Variants in RPRD1A observed in about 807,000 individuals in gnomAD.
The protein encoded by RPRD1A is regulation of nuclear pre-mRNA domain-containing protein 1A.
A neutral mutation model predicts 37.8 loss-of-function variants in RPRD1A; 9 were observed. That is an observed-to-expected ratio of 0.24 (90% CI 0.14 to 0.42). The LOEUF is 0.42. Among genes scored for constraint, RPRD1A ranks in the 10% least tolerant of loss-of-function variants. The pLI is 1.00. For missense variants in RPRD1A, 255 were observed against 371.0 expected (o/e 0.69, Z 2.57); for synonymous variants, 138 against 139.7 (o/e 0.99, Z 0.08).
chr18:36,025,832 G>C (rs1039603927), intron 6 of RPRD1A: 4 of 281,134 alleles, frequency 1.4e-5, no homozygotes, highest in Admixed American at 5.1e-5. Context: ...ATAGTGGCAA[G>C]TTAATTATCA....
chr18:36,013,709 T>TAA (rs1247485656), intron 6 of RPRD1A, among the ~76,000 whole-genome samples: 1 of 152,178 alleles, frequency 6.6e-6, no homozygotes, highest in Non-Finnish European at 1.5e-5. Context: ...TTTAAAATAT[T>TAA]AAAATGTAAT....
Position 36,031,074 on chromosome 18 carries a change from T to G in RPRD1A, c.305A>C (p.Lys102Thr). The G allele has an allele frequency of 6.4e-7, 1 of 1,567,010 alleles. No homozygotes were observed. Among genetic ancestry groups the G allele is most frequent in the Non-Finnish European group, 8.6e-7 (1 of 1,167,166 alleles). ...AATAGATAACACTCTTCCAAGGTGC[T>G]TCTTACAACTTTCATCAGTTTCACT... ...VSSETDESCK[K>T]HLGRVLSIWE... Residue 102 changes from lysine (K) to threonine (T), a missense_variant, in exon 3 of 7, where the codon AAG (lysine) becomes ACG (threonine). This residue lies in a region of RPRD1A where 211 missense variants were observed against 268.9 expected (regional missense o/e 0.78). Transcript: ENST00000399022.
At chr18:36,058,078 C>G (rs1275419846) in intron 1 of RPRD1A, among the ~76,000 whole-genome samples, 1 of 152,206 alleles carries the variant, frequency 6.6e-6, no homozygotes. Flanking sequence ...GGGTCTCACT[C>G]TGTTGCCCAG....
In RPRD1A at chr18:35,992,895, A is replaced by G. The variant is rs1908792944; in HGVS notation, c.*256T>C. On this transcript the variant is annotated 3_prime_UTR_variant, in exon 7 of 7. Transcript: ENST00000399022. ...CTTGGATCAAAAAAAAAATTTACAA[A>G]AAGATCTTTTGAAAATAATCACTAT... The G allele has an allele frequency of 3.3e-6, 1 of 306,144 alleles. No homozygotes were observed. The highest frequency in any genetic ancestry group is 6.0e-5 in the East Asian group (1 of 16,682). 19.0% of individuals were successfully genotyped at this position (306,144 alleles called of 1,614,324 possible). A position where few individuals can be genotyped will look rare whatever the true frequency, so the allele number is the denominator to read the frequency against.
At chr18:36,018,192 T>C (rs1273568260) in intron 6 of RPRD1A, among the ~76,000 whole-genome samples, 1 of 146,728 alleles carries the variant, frequency 6.8e-6, no homozygotes, top group Non-Finnish European at 1.5e-5. Context: ...TCAATCATTT[T>C]TATTTATTAA....
chr18:36,045,700 CTAT>C (rs1392898341), intron 1 of RPRD1A, among the ~76,000 whole-genome samples: 5 of 152,208 alleles, frequency 3.3e-5, no homozygotes, highest in Non-Finnish European at 7.3e-5. Context: ...GTCTAAGTAA[CTAT>C]TATTAGTGAA....
At chr18:36,007,730 G>A (rs1468378190) in intron 6 of RPRD1A, among the ~76,000 whole-genome samples, 3 of 152,016 alleles carry the variant, frequency 2.0e-5, no homozygotes, top group African/African-American at 7.2e-5. Flanking sequence ...ACGAGGTCAA[G>A]AGATCAAGAC....
intron 2 of RPRD1A, among the ~76,000 whole-genome samples, chr18:36,032,664 G>A (rs773609994): frequency 2.0e-5 from 3 of 152,334 alleles, no homozygotes; most frequent in Admixed American, 6.5e-5. Context: ...CCAAAGAACC[G>A]AGTCAATGTG....
At chr18:36,029,089 CA>C (rs1264404113) in intron 4 of RPRD1A, among the ~76,000 whole-genome samples, 21 of 152,242 alleles carry the variant, frequency 1.4e-4, no homozygotes, top group African/African-American at 5.1e-4. Context: ...CCAAATGTAA[CA>C]TTCTTATCAC....
At chr18:36,057,051 CAAAAAAA>C (rs35428437) in intron 1 of RPRD1A, among the ~76,000 whole-genome samples, 5,408 of 44,684 alleles carry the variant, frequency 0.12, 88 homozygotes, top group Middle Eastern at 0.19. Context: ...CCTGTTTCTA[CAAAAAAA>C]AAAAAAAAAA....
chr18:36,005,172 G>T (rs919760181), intron 6 of RPRD1A, among the ~76,000 whole-genome samples: 172 of 152,006 alleles, frequency 1.1e-3, no homozygotes, highest in Non-Finnish European at 9.9e-4. Flanking sequence ...GTGGTGGCGG[G>T]CGCCTGTAGT....
chr18:35,994,180 G>T (rs147938455), intron 6 of RPRD1A, among the ~76,000 whole-genome samples: 22 of 152,314 alleles, frequency 1.4e-4, no homozygotes, highest in African/African-American at 4.8e-4. Flanking sequence ...CAGTAAAATA[G>T]ATATGTCCAT....
chr18:36,024,306 C>A (rs370513045), intron 6 of RPRD1A, among the ~76,000 whole-genome samples: 3 of 150,046 alleles, frequency 2.0e-5, no homozygotes, highest in African/African-American at 7.4e-5. Context: ...ACCACCACAC[C>A]TGGTTAATTT....
chr18:36,037,909 A>G (rs1382364389), intron 1 of RPRD1A, among the ~76,000 whole-genome samples: 1 of 152,188 alleles, frequency 6.6e-6, no homozygotes, highest in Non-Finnish European at 1.5e-5. Context: ...GATTTAGGGT[A>G]TCTGGTGGAA....
intron 1 of RPRD1A, among the ~76,000 whole-genome samples, chr18:36,036,937 T>C (rs1257482441): frequency 6.6e-6 from 1 of 152,136 alleles, no homozygotes; most frequent in Non-Finnish European, 1.5e-5. Context: ...TGGGGTTCTT[T>C]CCAAAAACAC....
chr18:36,040,885 A>G, intron 1 of RPRD1A: 1 of 1,440,814 alleles, frequency 6.9e-7, no homozygotes, highest in Non-Finnish European at 9.3e-7. Flanking sequence ...AGCAATTAAC[A>G]AGAAAATATT....
At chr18:35,999,165 T>A (rs1909271489) in intron 6 of RPRD1A, among the ~76,000 whole-genome samples, 1 of 152,172 alleles carries the variant, frequency 6.6e-6, no homozygotes, top group Non-Finnish European at 1.5e-5. Flanking sequence ...TTTCTATATA[T>A]CTACATTACT....
chr18:36,035,796 G>T (rs144836082), intron 1 of RPRD1A, among the ~76,000 whole-genome samples: 1 of 152,144 alleles, frequency 6.6e-6, no homozygotes, highest in Non-Finnish European at 1.5e-5. Flanking sequence ...TTACAACATG[G>T]ATGAATCTCC....
In RPRD1A at chr18:36,031,148, T is replaced by C. The variant is rs751555524; in HGVS notation, c.282-51A>G. ...GAAAAATGTTAACAGTAACAATGCA[T>C]AGTGTTATTGAAAAGGTTAACGGTA... is the stretch of plus-strand genomic sequence containing the variant. On this transcript the variant is annotated intron_variant, in intron 2 of 6. Transcript: ENST00000399022. 9.6e-6 allele frequency: 14 copies of C among 1,462,080 alleles called. No individual in the cohort carries two copies. In the East Asian group the frequency reaches 2.0e-4, roughly 20 times the overall value. 90.6% of individuals were successfully genotyped at this position (1,462,080 alleles called of 1,614,324 possible).
Sources: allele counts gnomAD v4.1 joint callset (sites outside exome capture counted in the v4.1 genomes callset), GRCh38; gene constraint gnomAD v4.1.1; regional missense constraint gnomAD v4.1.1; transcripts MANE v1.5; gene names NCBI Gene and HGNC (gene_info 2026-07-23, HGNC 2026-07-21).